The following ZBTB44 variants were observed in gnomAD, a reference collection of about 807,000 sequenced individuals.
The protein encoded by ZBTB44 is zinc finger and BTB domain-containing protein 44.
In ZBTB44, 15 loss-of-function variants were observed where a neutral mutation model predicts 54.0. The ratio of observed to expected loss-of-function variants is 0.28; its 90% CI spans 0.19 to 0.43. The LOEUF (loss-of-function observed/expected upper bound fraction) is 0.43. ZBTB44 is among the 20% of genes least tolerant of loss of function. The probability of loss-of-function intolerance (pLI) is 1.00; values close to 1 mark genes in which losing one functional copy is unlikely to be tolerated. For missense variants in ZBTB44, 487 were observed against 707.1 expected, an observed-to-expected ratio of 0.69 and a Z score of 3.53; for synonymous variants, 230 against 250.1, an observed-to-expected ratio of 0.92 and a Z score of 0.76.
At chr11:130,290,543 A>C (rs1941242037) in intron 1 of ZBTB44, among the ~76,000 whole-genome samples, 1 of 152,108 alleles carries the variant, frequency 6.6e-6, no homozygotes. Flanking sequence ...GGACTACTGA[A>C]ACAGCATCCT....
At chr11:130,242,029 A>C (rs985547558) in intron 2 of ZBTB44, among the ~76,000 whole-genome samples, 1 of 152,174 alleles carries the variant, frequency 6.6e-6, no homozygotes, top group Non-Finnish European at 1.5e-5. Context: ...AAGTAGAGAA[A>C]GTTCTCTGCC....
intron 4 of ZBTB44, among the ~76,000 whole-genome samples, 181 bp downstream of exon 4, chr11:130,238,263 G>A (rs1046304065): frequency 6.6e-6 from 1 of 152,110 alleles, no homozygotes; most frequent in Non-Finnish European, 1.5e-5. Context: ...CTCAACACCC[G>A]TGGCAAGCAG....
rs899135962 is a variant in ZBTB44, at chr11:130,229,018, T to G, written c.*2746A>C. On this transcript the variant is annotated 3_prime_UTR_variant, in exon 8 of 8. Coordinates refer to ENST00000357899, the MANE Select transcript of ZBTB44 (RefSeq NM_001301098.2). Reference sequence around the variant, plus strand: ...CTCTTAAGTTCTCTGTAAACTATTATGCACACAGAAACCTTGGTATTAGCT... The same window carrying G: ...CTCTTAAGTTCTCTGTAAACTATTAGGCACACAGAAACCTTGGTATTAGCT... The G allele has an allele frequency of 1.3e-5, 2 of 152,218 alleles. No homozygotes were observed. Among genetic ancestry groups the G allele is most frequent in the Non-Finnish European group, 2.9e-5 (2 of 68,024 alleles). 9.4% of individuals were successfully genotyped at this position (152,218 alleles called of 1,614,324 possible).
At chr11:130,302,581 G>C (rs1942044641) in intron 1 of ZBTB44, among the ~76,000 whole-genome samples, 2 of 152,134 alleles carry the variant, frequency 1.3e-5, no homozygotes, top group Non-Finnish European at 2.9e-5. Flanking sequence ...GAAGAGCAAA[G>C]AGCCAAAGAA....
At chr11:130,251,538 C>T (rs1938004382) in intron 2 of ZBTB44, among the ~76,000 whole-genome samples, 1 of 152,098 alleles carries the variant, frequency 6.6e-6, no homozygotes, top group Non-Finnish European at 1.5e-5. Flanking sequence ...TTAAGGGCAG[C>T]CAGAGAGAAA....
intron 2 of ZBTB44, among the ~76,000 whole-genome samples, chr11:130,244,073 G>T (rs1954519087): frequency 6.6e-6 from 1 of 152,192 alleles, no homozygotes; most frequent in Admixed American, 6.5e-5. Context: ...AGGCAAAACT[G>T]ATTTTAGTGC....
At chr11:130,268,981 C>A (rs553543643) in intron 1 of ZBTB44, among the ~76,000 whole-genome samples, 72 of 151,350 alleles carry the variant, frequency 4.8e-4, no homozygotes, top group African/African-American at 1.7e-3. Context: ...TATAAGTTAG[C>A]CAAGTCTCTT....
At chr11:130,239,670 GTGA>G in intron 3 of ZBTB44, 139 bp downstream of exon 3, 1 of 613,634 alleles carries the variant, frequency 1.6e-6, no homozygotes, top group Non-Finnish European at 2.8e-6. Context: ...AATTTATAAT[GTGA>G]TGATGCTACT....
At chr11:130,276,330 T>C (rs140556344) in intron 1 of ZBTB44, among the ~76,000 whole-genome samples, 63 of 151,924 alleles carry the variant, frequency 4.1e-4, no homozygotes, top group African/African-American at 1.4e-3. Context: ...GAAGAACATA[T>C]ACTCTATTGT....
intron 1 of ZBTB44, among the ~76,000 whole-genome samples, chr11:130,273,974 G>C (rs550757648): frequency 2.1e-5 from 3 of 144,298 alleles, no homozygotes; most frequent in African/African-American, 7.7e-5. Context: ...TGTAATCCCA[G>C]CTAGTAGGGG....
intron 2 of ZBTB44, among the ~76,000 whole-genome samples, chr11:130,245,609 A>T (rs1954608000): frequency 1.3e-5 from 2 of 151,814 alleles, no homozygotes; most frequent in South Asian, 4.2e-4. Flanking sequence ...TCTGCTTCTC[A>T]CTATCAGCTT....
chr11:130,297,193 C>A (rs756627791), intron 1 of ZBTB44, among the ~76,000 whole-genome samples: 7 of 152,148 alleles, frequency 4.6e-5, no homozygotes, highest in African/African-American at 1.7e-4. Flanking sequence ...AAGCACTGAG[C>A]ACTGTAACTT....
chr11:130,244,572 C>G (rs570633658), intron 2 of ZBTB44, among the ~76,000 whole-genome samples: 1 of 149,494 alleles, frequency 6.7e-6, no homozygotes, highest in Admixed American at 6.8e-5. Context: ...GAGGCTGAGG[C>G]AGGAGAATGG....
chr11:130,306,380 T>G lies in ZBTB44; in HGVS notation c.-57+7995A>C, dbSNP rs1439275081. On this transcript the variant is annotated intron_variant, in intron 1 of 7. Transcript: ENST00000357899. The stretch of plus-strand genomic sequence containing the variant: ...AGCTGGGCGTGGTGGTGCATGCCTG[T>G]AATCCCAGCTACTTGGGAGGCTGAG... Among the ~76,000 whole-genome samples the G allele has an allele frequency of 1.3e-5, 2 of 151,956 alleles. 1 individual carries two copies. The highest frequency in any genetic ancestry group is 2.9e-5 in the Non-Finnish European group (2 of 68,008).
intron 1 of ZBTB44, among the ~76,000 whole-genome samples, chr11:130,304,607 A>G (rs1282123276): frequency 6.6e-6 from 1 of 152,046 alleles, no homozygotes; most frequent in African/African-American, 2.4e-5. Context: ...GAATATACAT[A>G]TATTTTTCTC....
intron 1 of ZBTB44, among the ~76,000 whole-genome samples, chr11:130,305,611 G>A (rs1182170303): frequency 2.6e-5 from 4 of 152,076 alleles, no homozygotes; most frequent in East Asian, 1.9e-4. Flanking sequence ...TCAACACAAG[G>A]TGGATCAAAG....
At chr11:130,276,531 T>G (rs1940117652) in intron 1 of ZBTB44, among the ~76,000 whole-genome samples, 1 of 151,420 alleles carries the variant, frequency 6.6e-6, no homozygotes, top group South Asian at 2.1e-4. Context: ...ACCTCCTGGG[T>G]TCAAGTGATT....
intron 2 of ZBTB44, among the ~76,000 whole-genome samples, chr11:130,260,462 A>G (rs925850344): frequency 2.6e-5 from 4 of 152,186 alleles, no homozygotes; most frequent in East Asian, 1.9e-4. Context: ...ATTTACTTTC[A>G]TATCTGCTTC....
intron 1 of ZBTB44, among the ~76,000 whole-genome samples, chr11:130,313,964 A>T (rs199617732): frequency 3.3e-3 from 326 of 99,034 alleles, no homozygotes; most frequent in African/African-American, 0.01. Context: ...ATATATATAT[A>T]TATTTTTTTA....
Sources: allele counts gnomAD v4.1 joint callset (sites outside exome capture counted in the v4.1 genomes callset), GRCh38; gene constraint gnomAD v4.1.1; transcripts MANE v1.5; gene names NCBI Gene and HGNC (gene_info 2026-07-23, HGNC 2026-07-21).